KIRREL3: variants seen among roughly 807,000 people sequenced by gnomAD.
KIRREL3 encodes kin of IRRE-like protein 3.
A neutral mutation model predicts 89.7 loss-of-function variants in KIRREL3; 36 were observed. The observed-to-expected ratio is 0.40, with a 90% CI of 0.31 to 0.53. KIRREL3 has a LOEUF of 0.53. Among genes scored for constraint, KIRREL3 ranks in the 20% least tolerant of loss-of-function variants. The pLI is 0.49. For missense variants in KIRREL3, 864 were observed against 1,056.6 expected (o/e 0.82, Z 2.53); for synonymous variants, 445 against 441.4 (o/e 1.01, Z -0.10).
At chr11:126,602,398 G>A (rs1942699798) in intron 1 of KIRREL3, among the ~76,000 whole-genome samples, 1 of 152,178 alleles carries the variant, frequency 6.6e-6, no homozygotes, top group Non-Finnish European at 1.5e-5. Flanking sequence ...AGAAGCCATA[G>A]TAATAGCAAC....
In KIRREL3 at chr11:126,814,701, A is replaced by G. The variant is rs1392602730; in HGVS notation, c.55+185754T>C. On this transcript the variant is annotated intron_variant, in intron 1 of 16. Transcript: ENST00000525144. The surrounding 1 kb of genome is among the most constrained non-coding windows in gnomAD (Gnocchi z 4.4). Reference sequence around the variant, plus strand: ...CCAAACACTGCATGTTCTCACTTCTAAGTAGGAGCTGAACAGTGAGAACAC... The same window carrying G: ...CCAAACACTGCATGTTCTCACTTCTGAGTAGGAGCTGAACAGTGAGAACAC... Among the ~76,000 whole-genome samples, 1 of 152,170 alleles carries G rather than the reference A, an allele frequency of 6.6e-6. No homozygotes were observed. The highest frequency in any genetic ancestry group is 1.5e-5 in the Non-Finnish European group (1 of 68,030).
intron 1 of KIRREL3, chr11:126,934,752 A>G (rs1017896154): frequency 3.3e-5 from 5 of 152,218 alleles, no homozygotes; most frequent in African/African-American, 1.2e-4. Flanking sequence ...GAAAATGGCA[A>G]CTTGATTTTA....
Position 126,676,303 on chromosome 11 carries a change from A to G in KIRREL3, c.56-113391T>C, listed in dbSNP as rs192395159. 4.6e-5 allele frequency among the ~76,000 whole-genome samples: 7 copies of G among 152,264 alleles called. No homozygotes were observed. The highest frequency in any genetic ancestry group is 1.7e-4 in the African/African-American group (7 of 41,552). On this transcript the variant is annotated intron_variant, in intron 1 of 16. Transcript: ENST00000525144. The surrounding 1 kb of genome is among the most constrained non-coding windows in gnomAD (Gnocchi z 4.5). Reference sequence around the variant, plus strand: ...CACTCAGGGCCAGGCCGAGGCAGAGAAGCTTCTGGAGGGCAGAGACTGAGA... The same window carrying G: ...CACTCAGGGCCAGGCCGAGGCAGAGGAGCTTCTGGAGGGCAGAGACTGAGA...
chr11:126,434,032 G>A (rs1268325329), intron 13 of KIRREL3, among the ~76,000 whole-genome samples: 1 of 152,230 alleles, frequency 6.6e-6, no homozygotes, highest in Non-Finnish European at 1.5e-5. Context: ...TGGGCAGGGG[G>A]AGAGCAGGGG....
rs904796939 is a variant in KIRREL3 at position 126,736,885 on chromosome 11, G to A, written c.56-173973C>T. ...GCCCAGGAAAAAGAGCTCAAAGGGA[G>A]TGCCCCAGACTGGCTGTCACAAGCA... On this transcript the variant is annotated intron_variant, in intron 1 of 16. Coordinates refer to ENST00000525144, the MANE Select transcript of KIRREL3 (RefSeq NM_032531.4). This position sits in a 1 kb window ranked among gnomAD's most constrained non-coding sequence, Gnocchi z 5.0. Among the ~76,000 whole-genome samples the A allele has an allele frequency of 6.6e-6, 1 of 152,214 alleles. No individual in the cohort carries two copies. Among genetic ancestry groups the A allele is most frequent in the African/African-American group, 2.4e-5 (1 of 41,466 alleles).
intron 1 of KIRREL3, among the ~76,000 whole-genome samples, chr11:126,913,416 G>A (rs1946904858): frequency 6.6e-6 from 1 of 152,166 alleles, no homozygotes; most frequent in South Asian, 2.1e-4. Context: ...GCTGAAGGGT[G>A]TCTGACCAAT....
chr11:126,995,383 C>G lies in KIRREL3; in HGVS notation c.55+5072G>C, dbSNP rs1161841490. ...TCTCCACTGATGAATTAGAACACCC[C>G]TCTTCCCAGGCACAGGACGAGTTCA... is the stretch of plus-strand genomic sequence containing the variant. On this transcript the variant is annotated intron_variant, in intron 1 of 16. Coordinates refer to ENST00000525144, the MANE Select transcript of KIRREL3 (RefSeq NM_032531.4). The surrounding 1 kb of genome is among the most constrained non-coding windows in gnomAD (Gnocchi z 6.5). The G allele has an allele frequency of 2.2e-6, 1 of 455,390 alleles. No homozygotes were observed. Among genetic ancestry groups the G allele is most frequent in the African/African-American group, 2.0e-5 (1 of 50,178 alleles). 28.2% of individuals were successfully genotyped at this position (455,390 alleles called of 1,614,324 possible). A position where few individuals can be genotyped will look rare whatever the true frequency, so the allele number is the denominator to read the frequency against.
chr11:126,849,072 T>C (rs1242384893), intron 1 of KIRREL3, among the ~76,000 whole-genome samples: 3 of 152,144 alleles, frequency 2.0e-5, no homozygotes, highest in African/African-American at 7.2e-5. Flanking sequence ...GTGAAGGCAT[T>C]CTTAATCACA....
chr11:126,658,629 T>G (rs1371675107), intron 1 of KIRREL3, among the ~76,000 whole-genome samples: 1 of 152,264 alleles, frequency 6.6e-6, no homozygotes, highest in East Asian at 1.9e-4. Flanking sequence ...CTTTAATTAC[T>G]GACTCGGAGA....
rs1050983095 is a variant in KIRREL3 at position 126,485,730 on chromosome 11, C to T, written c.434-12264G>A. Among the ~76,000 whole-genome samples, 7 of 152,222 alleles carry T rather than the reference C, an allele frequency of 4.6e-5. No homozygotes were observed. Among genetic ancestry groups the T allele is most frequent in the Admixed American group, 1.3e-4 (2 of 15,286 alleles). The stretch of plus-strand genomic sequence containing the variant: ...GGGCTTGTTTCCACCTCTTGTTCTG[C>T]TATTACCTTGTTCCATGCCCAGCCC... On this transcript the variant is annotated intron_variant, in intron 4 of 16. Coordinates refer to ENST00000525144, the MANE Select transcript of KIRREL3 (RefSeq NM_032531.4). The surrounding 1 kb of genome is among the most constrained non-coding windows in gnomAD (Gnocchi z 5.8).
intron 4 of KIRREL3, among the ~76,000 whole-genome samples, chr11:126,509,053 G>C (rs971122833): frequency 6.6e-6 from 1 of 152,158 alleles, no homozygotes; most frequent in African/African-American, 2.4e-5. Flanking sequence ...CCTCTGAATG[G>C]GGGCTTTGAA....
At chr11:126,915,501 G>A (rs751760241) in intron 1 of KIRREL3, among the ~76,000 whole-genome samples, 2 of 152,116 alleles carry the variant, frequency 1.3e-5, no homozygotes, top group Non-Finnish European at 2.9e-5. Context: ...CAGGAGAGAC[G>A]TGGTCAACTG....
intron 4 of KIRREL3, among the ~76,000 whole-genome samples, chr11:126,488,747 C>T (rs1373271438): frequency 1.3e-5 from 2 of 152,204 alleles, no homozygotes; most frequent in Admixed American, 6.5e-5. Flanking sequence ...TGACTGCTCT[C>T]CTCTGGCCTC....
rs1325253700 is a variant in KIRREL3, at chr11:126,943,323, A to G, written c.55+57132T>C. Among the ~76,000 whole-genome samples, 3 of 152,018 alleles carry G rather than the reference A, an allele frequency of 2.0e-5. No homozygotes were observed. In the East Asian group the frequency reaches 5.8e-4, roughly 30 times the overall value. On this transcript the variant is annotated intron_variant, in intron 1 of 16. Coordinates refer to ENST00000525144, the MANE Select transcript of KIRREL3 (RefSeq NM_032531.4). This position sits in a 1 kb window ranked among gnomAD's most constrained non-coding sequence, Gnocchi z 4.2. Reference sequence around the variant, plus strand: ...CCAGGGAGGAGTGGAGGGAGACTCCATCTCCACCACGGAACGCCTTACTCC... The same window carrying G: ...CCAGGGAGGAGTGGAGGGAGACTCCGTCTCCACCACGGAACGCCTTACTCC...
Position 126,558,292 on chromosome 11 carries a change from T to TC in KIRREL3, c.133+4542dup, listed in dbSNP as rs1939855857. ...GTCCCCCAGGAATGGTCTTCTCTGG[T>TC]CTGTGTCCCTCACTCCAGGTCTCCC... On this transcript the variant is annotated intron_variant, in intron 2 of 16. Transcript: ENST00000525144. This position sits in a 1 kb window ranked among gnomAD's most constrained non-coding sequence, Gnocchi z 4.0. Among the ~76,000 whole-genome samples, 1 of 152,192 alleles carries TC rather than the reference T, an allele frequency of 6.6e-6. No individual in the cohort carries two copies. The highest frequency in any genetic ancestry group is 2.4e-5 in the African/African-American group (1 of 41,448).
chr11:126,798,011 TGGGGC>T (rs1950866850), intron 1 of KIRREL3, among the ~76,000 whole-genome samples: 2 of 152,134 alleles, frequency 1.3e-5, no homozygotes, highest in Non-Finnish European at 2.9e-5. Context: ...GCTCATATCT[TGGGGC>T]CAGGTGGATT....
In KIRREL3 at chr11:126,638,455, G is replaced by T. The variant is rs1041570319; in HGVS notation, c.56-75543C>A. ...TCTTGCTGAGCTAAACCCAAGAGTTGTTCTGTGTTCTATACTGAGTCTGGC... is the reference window on the plus strand; with the variant it reads ...TCTTGCTGAGCTAAACCCAAGAGTTTTTCTGTGTTCTATACTGAGTCTGGC... On this transcript the variant is annotated intron_variant, in intron 1 of 16. Transcript: ENST00000525144. Among the ~76,000 whole-genome samples, 26 of 152,336 alleles carry T rather than the reference G, an allele frequency of 1.7e-4. No homozygotes were observed. In the South Asian group the frequency reaches 4.8e-3, roughly 28 times the overall value.
At chr11:126,626,425 G>A (rs1208532257) in intron 1 of KIRREL3, among the ~76,000 whole-genome samples, 2 of 152,218 alleles carry the variant, frequency 1.3e-5, no homozygotes, top group African/African-American at 4.8e-5. Flanking sequence ...TAACCAGCAT[G>A]GCATGTGCAT....
At chr11:126,700,219 A>G (rs1352655114) in intron 1 of KIRREL3, among the ~76,000 whole-genome samples, 3 of 151,512 alleles carry the variant, frequency 2.0e-5, no homozygotes, top group Non-Finnish European at 4.4e-5. Flanking sequence ...AGAGAGAGAG[A>G]TATTCAGAGA....
Sources: gnomAD v4.1 joint callset for allele counts (sites outside exome capture counted in the v4.1 genomes callset) on GRCh38, gnomAD v4.1.1 for gene constraint, Gnocchi (gnomAD v3.1) non-coding constraint, MANE v1.5 for transcripts, NCBI Gene and HGNC (gene_info 2026-07-23, HGNC 2026-07-21) for gene names.